SMARCB1: variants seen among roughly 807,000 people sequenced by gnomAD.
SMARCB1 encodes SWI/SNF related BAF chromatin remodeling complex subunit B1, also known as SWI/SNF-related matrix-associated actin-dependent regulator of chromatin subfamily B member 1.
SMARCB1 carries 5 observed loss-of-function variants against 49.0 expected under a neutral mutation model. The observed-to-expected ratio is 0.10, with a 90% CI of 0.05 to 0.21. The LOEUF (loss-of-function observed/expected upper bound fraction) is 0.21, where lower values mean the gene tolerates loss of function less well. SMARCB1 is among the 10% of genes least tolerant of loss of function. SMARCB1 has a pLI of 1.00. For synonymous variants in SMARCB1, 201 were observed against 200.1 expected, an observed-to-expected ratio of 1.00 and a Z score of -0.04; for missense variants, 226 against 509.2, an observed-to-expected ratio of 0.44 and a Z score of 5.35.
At chr22:23,807,500 G>A (rs576573180) in intron 5 of SMARCB1, among the ~76,000 whole-genome samples, 74 of 152,078 alleles carry the variant, frequency 4.9e-4, no homozygotes, top group Admixed American at 3.8e-3. Flanking sequence ...GCTTGAGCCC[G>A]GGAGGTTGAG....
At chr22:23,814,970 CAAAAAAA>C (rs61415327) in intron 5 of SMARCB1, 2 of 74,060 alleles carry the variant, frequency 2.7e-5, no homozygotes, top group African/African-American at 1.1e-4. Flanking sequence ...AACTCCGTCT[CAAAAAAA>C]AAAAAAAAAG....
chr22:23,835,736 ACCT>A lies in SMARCB1; in HGVS notation c.*1558_*1560del. 1 of 985,368 alleles carries A rather than the reference ACCT, an allele frequency of 1.0e-6. No individual in the cohort carries two copies. Among genetic ancestry groups the A allele is most frequent in the Non-Finnish European group, 1.2e-6 (1 of 829,922 alleles). 61.0% of individuals were successfully genotyped at this position (985,368 alleles called of 1,614,324 possible). ...TGTTTGTTCTGTCCATGAGGTAGGA[ACCT>A]CGGCAATGAAAGGGTGAGGCAGCCC... On this transcript the variant is annotated 3_prime_UTR_variant, in exon 9 of 9. Transcript: ENST00000644036.
At position 23,836,109 on chromosome 22, in the gene SMARCB1, G is replaced by A. The variant is rs1431927269; in HGVS notation, c.*1929G>A. On this transcript the variant is annotated 3_prime_UTR_variant, in exon 9 of 9. Transcript: ENST00000644036. ...CAGGGGTCGGATAAGGCTCACACAC[G>A]TCCTCAGCTAAAAAGGGCAGGAACA... The A allele has an allele frequency of 1.0e-5, 10 of 985,266 alleles. No homozygotes were observed. In the Admixed American group the frequency reaches 4.3e-4, roughly 42 times the overall value. 61.0% of individuals were successfully genotyped at this position (985,266 alleles called of 1,614,324 possible).
At position 23,835,127 on chromosome 22, in the gene SMARCB1, G is replaced by A. The variant is rs2030938657; in HGVS notation, c.*947G>A. 1.5e-6 allele frequency: 2 copies of A among 1,369,730 alleles called. No homozygotes were observed. The highest frequency in any genetic ancestry group is 2.8e-5 in the East Asian group (1 of 36,018). The allele number at this position is 1,369,730 out of a possible 1,614,324, so 84.8% of individuals were successfully genotyped here. On this transcript the variant is annotated 3_prime_UTR_variant, in exon 9 of 9. Transcript: ENST00000644036. Reference sequence around the variant, plus strand: ...AATATGGGAATAGCCCTCCCGGCCTGGTGCCAGCTCTTGGAGTTGACACGG... The same window carrying A: ...AATATGGGAATAGCCCTCCCGGCCTAGTGCCAGCTCTTGGAGTTGACACGG...
intron 5 of SMARCB1, chr22:23,816,336 G>C (rs1015019606): frequency 1.0e-5 from 3 of 289,170 alleles, no homozygotes; most frequent in Non-Finnish European, 1.3e-5. Flanking sequence ...TTGGCACAGT[G>C]TGTTTTGCTC....
chr22:23,835,929 G>T lies in SMARCB1; in HGVS notation c.*1749G>T, dbSNP rs910564023. The T allele has an allele frequency of 7.1e-6, 7 of 985,376 alleles. No individual in the cohort carries two copies. The highest frequency in any genetic ancestry group is 8.4e-6 in the Non-Finnish European group (7 of 829,960). 61.0% of individuals were successfully genotyped at this position (985,376 alleles called of 1,614,324 possible). ...CCACAAGGTCTGGCTACAACACGGA[G>T]GGCAGACTCAACAGAGAACAGTGTT... On this transcript the variant is annotated 3_prime_UTR_variant, in exon 9 of 9. Transcript: ENST00000644036.
intron 3 of SMARCB1, among the ~76,000 whole-genome samples, chr22:23,799,049 C>CAAA (rs765990218): frequency 3.4e-5 from 2 of 59,294 alleles, no homozygotes; most frequent in Non-Finnish European, 3.5e-5. Flanking sequence ...GACTCCATCT[C>CAAA]AAAAAAAAAA....
chr22:23,837,549 A>G lies in SMARCB1; in HGVS notation c.*3369A>G. On this transcript the variant is annotated 3_prime_UTR_variant, in exon 9 of 9. Transcript: ENST00000644036. ...AGGGCAGGAAGATGGGGATGGAGCC[A>G]GGTGTGAGGAGAACTCCAGCAAGGA... The G allele has an allele frequency of 8.8e-7, 1 of 1,137,246 alleles. No individual in the cohort carries two copies. The highest frequency in any genetic ancestry group is 1.2e-6 in the Non-Finnish European group (1 of 801,308). 70.4% of individuals were successfully genotyped at this position (1,137,246 alleles called of 1,614,324 possible). A position where few individuals can be genotyped will look rare whatever the true frequency, so the allele number is the denominator to read the frequency against.
intron 5 of SMARCB1, among the ~76,000 whole-genome samples, chr22:23,810,294 A>G (rs896851830): frequency 6.6e-6 from 1 of 151,990 alleles, no homozygotes; most frequent in Non-Finnish European, 1.5e-5. Flanking sequence ...TGGGAGGCCA[A>G]GGCAGGCGGA....
rs1405021865 is a variant in SMARCB1, at chr22:23,835,888, C to T, written c.*1708C>T. On this transcript the variant is annotated 3_prime_UTR_variant, in exon 9 of 9. Transcript: ENST00000644036. ...CTCACTCCTGACCGCCAGCTCACAC[C>T]GCCGCAAAGCCATCTCCACAAGGTC... The T allele has an allele frequency of 7.1e-6, 7 of 985,484 alleles. No individual in the cohort carries two copies. Among genetic ancestry groups the T allele is most frequent in the African/African-American group, 1.7e-5 (1 of 57,356 alleles). The allele number at this position is 985,484 out of a possible 1,614,324, so 61.0% of individuals were successfully genotyped here. A position where few individuals can be genotyped will look rare whatever the true frequency, so the allele number is the denominator to read the frequency against.
chr22:23,801,501 C>T (rs1929153236), intron 4 of SMARCB1: 1 of 420,546 alleles, frequency 2.4e-6, no homozygotes, highest in South Asian at 1.9e-5. Flanking sequence ...CACATTTCTT[C>T]CCTCACAGTT....
chr22:23,787,724 A>G (rs1928104394), intron 1 of SMARCB1, among the ~76,000 whole-genome samples: 1 of 152,062 alleles, frequency 6.6e-6, no homozygotes, highest in South Asian at 2.1e-4. Flanking sequence ...GCTCATCCCC[A>G]TTGTGTTTGT....
intron 5 of SMARCB1, among the ~76,000 whole-genome samples, chr22:23,810,089 T>C (rs1379562017): frequency 1.3e-5 from 2 of 151,086 alleles, no homozygotes; most frequent in Non-Finnish European, 2.9e-5. Flanking sequence ...GGAGTATCAC[T>C]TGAACCCGGG....
intron 2 of SMARCB1, 88 bp from the exon 3 acceptor site, chr22:23,793,471 G>A (rs1478576537): frequency 3.6e-6 from 5 of 1,398,180 alleles, no homozygotes; most frequent in Admixed American, 1.7e-5. Context: ...TCCCGCATGC[G>A]AGGACCTTGA....
intron 1 of SMARCB1, among the ~76,000 whole-genome samples, chr22:23,788,476 G>T (rs1326378060): frequency 6.6e-6 from 1 of 151,974 alleles, no homozygotes; most frequent in East Asian, 1.9e-4. Context: ...TGTGATCTCG[G>T]CTCACTGCAG....
intron 7 of SMARCB1, among the ~76,000 whole-genome samples, chr22:23,830,026 A>G (rs957530165): frequency 6.6e-6 from 1 of 152,210 alleles, no homozygotes; most frequent in African/African-American, 2.4e-5. Context: ...ATCTCATTGC[A>G]TGGATATACC....
intron 5 of SMARCB1, among the ~76,000 whole-genome samples, chr22:23,806,403 GTGT>G (rs1035905492): frequency 2.0e-5 from 3 of 152,208 alleles, no homozygotes; most frequent in Non-Finnish European, 2.9e-5. Flanking sequence ...AACCAAAATA[GTGT>G]TGTTCTGCGA....
At chr22:23,797,609 C>CCT in intron 3 of SMARCB1, among the ~76,000 whole-genome samples, 1 of 36,292 alleles carries the variant, frequency 2.8e-5, no homozygotes, top group South Asian at 1.5e-3. Flanking sequence ...TGCGCCTGGC[C>CCT]TTTTTTTTTT....
intron 6 of SMARCB1, chr22:23,817,695 G>T (rs976252015): frequency 6.6e-6 from 1 of 152,206 alleles, no homozygotes; most frequent in South Asian, 2.1e-4. Flanking sequence ...CCTCTGCCCC[G>T]TGCACCAGAT....
Sources: gnomAD v4.1 joint callset for allele counts (sites outside exome capture counted in the v4.1 genomes callset) on GRCh38, gnomAD v4.1.1 for gene constraint, MANE v1.5 for transcripts, NCBI Gene and HGNC (gene_info 2026-07-23, HGNC 2026-07-21) for gene names.